ADGRG6: variants seen among roughly 807,000 people sequenced by gnomAD.
ADGRG6 encodes G-protein coupled receptor 126.
In ADGRG6, 84 loss-of-function variants were observed where a neutral mutation model predicts 142.4. The observed-to-expected ratio is 0.59, with a 90% CI of 0.49 to 0.71. The LOEUF (loss-of-function observed/expected upper bound fraction) is 0.71. ADGRG6 is among the 30% of genes least tolerant of loss of function. The probability of loss-of-function intolerance (pLI) is 0.00; values close to 1 mark genes in which losing one functional copy is unlikely to be tolerated. For synonymous variants in ADGRG6, 521 were observed against 520.5 expected, an observed-to-expected ratio of 1.00 and a Z score of -0.01; for missense variants, 1,367 against 1,466.6, an observed-to-expected ratio of 0.93 and a Z score of 1.11.
Position 142,438,284 on chromosome 6 carries a change from C to T in ADGRG6, c.3494C>T (p.Ser1165Phe), listed in dbSNP as rs776064384. 1.2e-6 allele frequency: 2 copies of T among 1,603,430 alleles called. No homozygotes were observed. Among genetic ancestry groups the T allele is most frequent in the Non-Finnish European group, 1.7e-6 (2 of 1,172,202 alleles). The stretch of plus-strand genomic sequence containing the variant: ...CTAGGAAAATCTTTGTCTTCAAGCT[C>T]CATTGGTTCCAACTCAACCTATCTT... Reference protein sequence around the residue: ...DNLGKSLSSSSIGSNSTYLTS... With the variant: ...DNLGKSLSSSFIGSNSTYLTS... Residue 1165 changes from serine to phenylalanine, a missense_variant, in exon 24 of 25, where the codon TCC becomes TTC. This residue lies in a region of ADGRG6 where 344 missense variants were observed against 348.7 expected (regional missense o/e 0.99). Transcript: ENST00000367609.
At chr6:142,442,779 T>C (rs868748879) in intron 24 of ADGRG6, among the ~76,000 whole-genome samples, 5 of 152,090 alleles carry the variant, frequency 3.3e-5, no homozygotes, top group African/African-American at 9.7e-5. Flanking sequence ...TTCATTTGCT[T>C]GTATTCTCCA....
intron 22 of ADGRG6, among the ~76,000 whole-genome samples, chr6:142,434,616 C>T (rs538339844): frequency 7.9e-5 from 12 of 152,194 alleles, no homozygotes; most frequent in African/African-American, 2.4e-4. Context: ...CCACCGCGTC[C>T]GGCCCTGAAG....
chr6:142,328,348 A>G (rs1370684255), intron 2 of ADGRG6, among the ~76,000 whole-genome samples: 1 of 152,064 alleles, frequency 6.6e-6, no homozygotes, highest in African/African-American at 2.4e-5. Context: ...GACTATAGGC[A>G]CACATCTCCA....
intron 2 of ADGRG6, among the ~76,000 whole-genome samples, chr6:142,334,709 C>G (rs1169366747): frequency 6.6e-6 from 1 of 152,108 alleles, no homozygotes; most frequent in Non-Finnish European, 1.5e-5. Flanking sequence ...CCTGAAGGTC[C>G]CTTACCAAGA....
chr6:142,397,642 A>G lies in ADGRG6; in HGVS notation c.1454A>G (p.Asn485Ser), dbSNP rs371422324. ...GTGCTTTGGGCCCTTCTAGTTTACA[A>G]TGCTACCAACAATACTAATTTGGAA... is the stretch of plus-strand genomic sequence containing the variant. Reference protein sequence around the residue: ...RLVLWALLVYNATNNTNLEGK... With the variant: ...RLVLWALLVYSATNNTNLEGK... Residue 485 changes from asparagine (N) to serine (S), a missense_variant, in exon 10 of 25, where the codon AAT becomes AGT. By Grantham distance (46) the Asn-to-Ser change is conservative. Around this residue, in one of 3 missense-constraint regions of ADGRG6, gnomAD observed 737 missense variants for 746.5 expected, o/e 0.99. Coordinates refer to ENST00000367609, the MANE Select transcript of ADGRG6 (RefSeq NM_198569.3). 45 of 1,609,834 alleles carry G rather than the reference A, an allele frequency of 2.8e-5. No individual in the cohort carries two copies. Among genetic ancestry groups the G allele is most frequent in the East Asian group, 4.5e-5 (2 of 44,728 alleles).
chr6:142,378,071 C>T (rs538876200), intron 4 of ADGRG6, among the ~76,000 whole-genome samples: 1 of 152,214 alleles, frequency 6.6e-6, no homozygotes, highest in Non-Finnish European at 1.5e-5. Context: ...TTGCAGTTTC[C>T]CATAAAAGAA....
intron 2 of ADGRG6, among the ~76,000 whole-genome samples, chr6:142,335,792 A>C (rs1779281278): frequency 6.6e-6 from 1 of 152,148 alleles, no homozygotes; most frequent in Admixed American, 6.6e-5. Context: ...TCAGAGAAGA[A>C]GGTGTTATAG....
chr6:142,442,567 G>C (rs1054828983), intron 24 of ADGRG6, among the ~76,000 whole-genome samples: 2 of 151,798 alleles, frequency 1.3e-5, no homozygotes, highest in African/African-American at 2.4e-5. Flanking sequence ...TAATATTAGT[G>C]CTGTTAGCAA....
intron 11 of ADGRG6, chr6:142,400,832 A>G (rs1775482003): frequency 2.5e-6 from 1 of 407,926 alleles, no homozygotes; most frequent in Admixed American, 3.8e-5. Flanking sequence ...GAAAAACTGA[A>G]GAGTTTAGAA....
At position 142,444,660 on chromosome 6, in the gene ADGRG6, G is replaced by A. The variant is rs895203054; in HGVS notation, c.*1145G>A. 2.0e-5 allele frequency: 3 copies of A among 152,174 alleles called. No individual in the cohort carries two copies. Among genetic ancestry groups the A allele is most frequent in the African/African-American group, 7.2e-5 (3 of 41,468 alleles). The allele number at this position is 152,174 out of a possible 1,614,324, so 9.4% of individuals were successfully genotyped here. A position where few individuals can be genotyped will look rare whatever the true frequency, so the allele number is the denominator to read the frequency against. On this transcript the variant is annotated 3_prime_UTR_variant, in exon 25 of 25. Coordinates refer to ENST00000367609, the MANE Select transcript of ADGRG6 (RefSeq NM_198569.3). ...ATAAGAGCCTGAGGAGGTCTGGCAAGATAGATGGTGTATTATTTATGGATC... is the reference window on the plus strand; with the variant it reads ...ATAAGAGCCTGAGGAGGTCTGGCAAAATAGATGGTGTATTATTTATGGATC...
chr6:142,302,925 A>G (rs1777300485), intron 1 of ADGRG6, among the ~76,000 whole-genome samples: 1 of 152,176 alleles, frequency 6.6e-6, no homozygotes, highest in Non-Finnish European at 1.5e-5. Context: ...GGGGACTTCC[A>G]TAGACTTATG....
chr6:142,359,410 G>C (rs1464589469), intron 2 of ADGRG6, among the ~76,000 whole-genome samples: 1 of 151,968 alleles, frequency 6.6e-6, no homozygotes, highest in African/African-American at 2.4e-5. Context: ...TGCTCCAGCT[G>C]AACTAAATCT....
chr6:142,370,899 T>C (rs1781215373), intron 4 of ADGRG6, 106 bp downstream of exon 4: 1 of 1,077,342 alleles, frequency 9.3e-7, no homozygotes, highest in Admixed American at 2.1e-5. Flanking sequence ...TGTATGTATA[T>C]TCACACATAT....
At chr6:142,333,943 C>G (rs1240278122) in intron 2 of ADGRG6, among the ~76,000 whole-genome samples, 1 of 152,124 alleles carries the variant, frequency 6.6e-6, no homozygotes, top group African/African-American at 2.4e-5. Flanking sequence ...ACTGTCATTG[C>G]TCTTAATTCA....
chr6:142,332,825 C>T (rs761533129), intron 2 of ADGRG6, among the ~76,000 whole-genome samples: 8 of 152,176 alleles, frequency 5.3e-5, no homozygotes, highest in African/African-American at 9.6e-5. Context: ...GCTGAAGGAT[C>T]GTGGCAGTAA....
intron 3 of ADGRG6, among the ~76,000 whole-genome samples, chr6:142,368,860 A>G (rs1781077090): frequency 6.6e-6 from 1 of 152,166 alleles, no homozygotes; most frequent in African/African-American, 2.4e-5. Context: ...AGAATTACCT[A>G]TACAAATGCC....
intron 2 of ADGRG6, among the ~76,000 whole-genome samples, chr6:142,354,965 G>C (rs188686955): frequency 1.8e-4 from 28 of 152,244 alleles, no homozygotes; most frequent in African/African-American, 6.3e-4. Flanking sequence ...TGATTTCTTT[G>C]AATAGAGATT....
chr6:142,370,969 T>G, intron 4 of ADGRG6, 176 bp downstream of exon 4: 1 of 639,234 alleles, frequency 1.6e-6, no homozygotes, highest in Non-Finnish European at 2.6e-6. Flanking sequence ...TGTCGTCTGC[T>G]CAGCTCTTAT....
intron 15 of ADGRG6, among the ~76,000 whole-genome samples, chr6:142,406,930 A>G (rs1299330320): frequency 6.6e-6 from 1 of 152,092 alleles, no homozygotes; most frequent in African/African-American, 2.4e-5. Flanking sequence ...CAGTGCAGGG[A>G]GAAGGTTTAG....
Sources: gnomAD v4.1 joint callset for allele counts (sites outside exome capture counted in the v4.1 genomes callset) on GRCh38, gnomAD v4.1.1 for gene constraint, gnomAD v4.1.1 regional missense constraint, MANE v1.5 for transcripts, NCBI Gene and HGNC (gene_info 2026-07-23, HGNC 2026-07-21) for gene names.